Variants in CCDC7 observed in about 807,000 individuals in gnomAD.
CCDC7 encodes the protein coiled-coil domain-containing protein 7.
CCDC7 carries 183 observed loss-of-function variants against 196.9 expected under a neutral mutation model. The ratio of observed to expected loss-of-function variants is 0.93; its 90% CI spans 0.82 to 1.05. CCDC7 has a LOEUF of 1.05. Among genes scored for constraint, CCDC7 ranks in the 50% least tolerant of loss-of-function variants. The pLI, the probability that CCDC7 is intolerant of heterozygous loss-of-function variation, is 0.00. For missense variants in CCDC7, 1,540 were observed against 1,482.2 expected (o/e 1.04, Z -0.64); for synonymous variants, 525 against 484.6 (o/e 1.08, Z -1.10).
At chr10:32,484,813 C>T (rs1427827372) in intron 8 of CCDC7, among the ~76,000 whole-genome samples, 2 of 152,018 alleles carry the variant, frequency 1.3e-5, no homozygotes, top group African/African-American at 2.4e-5. Context: ...TTCATTTGTG[C>T]ATGTTGAACC....
exon 20 of CCDC7, chr10:32,635,075 A>G (rs1385933529): frequency 5.0e-6 from 2 of 398,638 alleles, no homozygotes; most frequent in Non-Finnish European, 8.9e-6. Flanking sequence ...ACAACCCCAC[A>G]ATTGCCTGAG....
chr10:32,646,793 G>C (rs1716014), intron 20 of CCDC7, among the ~76,000 whole-genome samples: 149,889 of 152,288 alleles, frequency 0.98, 73,803 homozygotes, highest in Middle Eastern at 1. Context: ...TCCACATGTG[G>C]TCAATACTTA....
Position 32,814,488 on chromosome 10 carries a change from G to A in CCDC7, c.3181+35G>A, listed in dbSNP as rs1287612107. ...AAAACTTTACACATTTAGTATTTCT[G>A]GTTAGTTTATATTCTCTGGAGTGTA... On this transcript the variant is annotated intron_variant, in intron 31 of 41. Coordinates refer to ENST00000639629, the Ensembl canonical transcript of CCDC7. 4 of 1,464,376 alleles carry A rather than the reference G, an allele frequency of 2.7e-6. No individual in the cohort carries two copies. In the South Asian group the frequency reaches 3.4e-5, roughly 13 times the overall value. The allele number at this position is 1,464,376 out of a possible 1,614,324, so 90.7% of individuals were successfully genotyped here. A position where few individuals can be genotyped will look rare whatever the true frequency, so the allele number is the denominator to read the frequency against.
intron 28 of CCDC7, among the ~76,000 whole-genome samples, chr10:32,772,022 A>G (rs893988580): frequency 1.3e-5 from 2 of 152,188 alleles, no homozygotes; most frequent in Non-Finnish European, 2.9e-5. Context: ...GGCAATGGGC[A>G]GGGCCATGTA....
intron 20 of CCDC7, among the ~76,000 whole-genome samples, chr10:32,638,817 C>G (rs2066157986): frequency 6.6e-6 from 1 of 152,204 alleles, no homozygotes; most frequent in South Asian, 2.1e-4. Context: ...ACCAGCTTCT[C>G]CTTGTACCTC....
chr10:32,828,439 G>GAAGGAGA (rs1491102454), intron 32 of CCDC7, among the ~76,000 whole-genome samples: 659 of 56,860 alleles, frequency 0.012, 47 homozygotes, highest in African/African-American at 0.028. Flanking sequence ...AGGAAGGAAG[G>GAAGGAGA]AGAAGAAGAA....
intron 24 of CCDC7, among the ~76,000 whole-genome samples, chr10:32,701,441 A>G (rs2078704122): frequency 6.6e-6 from 1 of 152,052 alleles, no homozygotes; most frequent in South Asian, 2.1e-4. Context: ...GAGGATTTTT[A>G]CATCCATGTT....
chr10:32,460,773 A>AGGTCTAGTTAC (rs2035462336), intron 3 of CCDC7, among the ~76,000 whole-genome samples: 1 of 152,172 alleles, frequency 6.6e-6, no homozygotes, highest in Non-Finnish European at 1.5e-5. Flanking sequence ...TTTAGCATGC[A>AGGTCTAGTTAC]AAGCAATCAC....
chr10:32,710,472 A>T (rs2080639110), intron 24 of CCDC7, among the ~76,000 whole-genome samples: 1 of 152,176 alleles, frequency 6.6e-6, no homozygotes, highest in Non-Finnish European at 1.5e-5. Context: ...CGTCTGTTGG[A>T]TCTCTAATTT....
intron 18 of CCDC7, among the ~76,000 whole-genome samples, chr10:32,615,214 A>G (rs2062648072): frequency 6.6e-6 from 1 of 152,152 alleles, no homozygotes; most frequent in Non-Finnish European, 1.5e-5. Flanking sequence ...TGGCTAGATC[A>G]AATGTTATTT....
chr10:32,719,756 A>C (rs186253848), intron 25 of CCDC7, among the ~76,000 whole-genome samples: 1 of 152,342 alleles, frequency 6.6e-6, no homozygotes, highest in East Asian at 1.9e-4. Context: ...TGCAGCCAAC[A>C]AACATGAAAA....
intron 13 of CCDC7, among the ~76,000 whole-genome samples, chr10:32,563,755 A>G (rs187816764): frequency 6.6e-6 from 1 of 152,094 alleles, no homozygotes; most frequent in Non-Finnish European, 1.5e-5. Context: ...GACTTCATGT[A>G]TAAAACACCA....
intron 41 of CCDC7, among the ~76,000 whole-genome samples, chr10:32,861,131 A>AG (rs370551923): frequency 0.079 from 11,683 of 148,710 alleles, 599 homozygotes; most frequent in South Asian, 0.24. Flanking sequence ...AAAAAAAAAA[A>AG]AAAGAAAGCT....
chr10:32,668,514 G>C (rs1293607183), intron 21 of CCDC7, among the ~76,000 whole-genome samples: 1 of 152,094 alleles, frequency 6.6e-6, no homozygotes, highest in Non-Finnish European at 1.5e-5. Context: ...ATTTGTCATA[G>C]ATAGCTCTTA....
chr10:32,824,445 T>C (rs1301989557), intron 31 of CCDC7, 73 bp from the exon 33 acceptor site: 2 of 887,706 alleles, frequency 2.3e-6, no homozygotes, highest in Non-Finnish European at 1.8e-6. Flanking sequence ...TATGATAGTA[T>C]TAGACACATG....
intron 18 of CCDC7, among the ~76,000 whole-genome samples, chr10:32,593,516 A>G (rs2059993158): frequency 6.6e-6 from 1 of 152,040 alleles, no homozygotes; most frequent in African/African-American, 2.4e-5. Flanking sequence ...CACTCTGATG[A>G]TAGTTTCTTT....
intron 21 of CCDC7, among the ~76,000 whole-genome samples, chr10:32,666,580 A>G (rs535889212): frequency 1.1e-4 from 15 of 139,526 alleles, no homozygotes; most frequent in Admixed American, 1.5e-4. Context: ...CCTGTGTCCA[A>G]GTGTTCTCAT....
chr10:32,551,219 T>G (rs1425936279), intron 13 of CCDC7, among the ~76,000 whole-genome samples: 2 of 152,178 alleles, frequency 1.3e-5, no homozygotes, highest in East Asian at 3.9e-4. Flanking sequence ...AATTATCTTT[T>G]GTATTTCAGT....
chr10:32,749,932 C>T (rs955236202), intron 28 of CCDC7, among the ~76,000 whole-genome samples: 1 of 152,130 alleles, frequency 6.6e-6, no homozygotes, highest in Non-Finnish European at 1.5e-5. Flanking sequence ...TCACAATTTC[C>T]TCCATCCTCA....
Sources: allele counts gnomAD v4.1 joint callset (sites outside exome capture counted in the v4.1 genomes callset), GRCh38; gene constraint gnomAD v4.1.1; transcripts MANE v1.5; gene names NCBI Gene and HGNC (gene_info 2026-07-23, HGNC 2026-07-21).